Variants in SOX10 observed in about 807,000 individuals in gnomAD.
SOX10 encodes transcription factor SOX-10.
SOX10 carries 3 observed loss-of-function variants against 35.0 expected under a neutral mutation model. The observed-to-expected ratio is 0.09, with a 90% CI of 0.04 to 0.22. The LOEUF (loss-of-function observed/expected upper bound fraction) is 0.22, where lower values mean the gene tolerates loss of function less well. Among genes scored for constraint, SOX10 ranks in the 10% least tolerant of loss-of-function variants. The pLI is 1.00. For missense variants in SOX10, 436 were observed against 655.1 expected, an observed-to-expected ratio of 0.67 and a Z score of 3.65; for synonymous variants, 285 against 291.0, an observed-to-expected ratio of 0.98 and a Z score of 0.21.
At chr22:37,976,252 A>G (rs959440899) in intron 3 of SOX10, among the ~76,000 whole-genome samples, 1 of 152,064 alleles carries the variant, frequency 6.6e-6, no homozygotes, top group Admixed American at 6.5e-5. Context: ...AAAAAGACAG[A>G]GTCTTACTAC....
rs771990173 is a variant in SOX10 at position 37,973,513 on chromosome 22, C to G, written c.1383G>C (p.Thr461=). The change falls in exon 4 of 4, where the codon ACG becomes ACC. Residue 461 remains threonine, a synonymous_variant. Transcript: ENST00000396884. ...SPTHWEQPVY[T]TLSRP ...GCCCCCTTTAGGGCCGGGACAGTGT[C>G]GTATATACTGGCTGCTCCCAGTGTG... The G allele has an allele frequency of 6.2e-7, 1 of 1,607,138 alleles. No homozygotes were observed.
In SOX10 at chr22:37,974,206, G is replaced by T. The variant is rs748415158; in HGVS notation, c.698-8C>A. ...GTGGGCCATGGCTCTGGCCTGGGTA[G>T]AAGGGAGACAGAGAGAGAGAGCGCA... On this transcript the variant is annotated splice_region_variant and splice_polypyrimidine_tract_variant and intron_variant, in intron 3 of 3. Coordinates refer to ENST00000396884, the MANE Select transcript of SOX10 (RefSeq NM_006941.4). This position sits in a 1 kb window ranked among gnomAD's most constrained non-coding sequence, Gnocchi z 5.4. 4 of 1,595,054 alleles carry T rather than the reference G, an allele frequency of 2.5e-6. No homozygotes were observed. Among genetic ancestry groups the T allele is most frequent in the Middle Eastern group, 1.7e-4 (1 of 5,812 alleles).
intron 2 of SOX10, among the ~76,000 whole-genome samples, chr22:37,982,454 C>T (rs543534557): frequency 6.6e-6 from 1 of 152,282 alleles, no homozygotes; most frequent in East Asian, 1.9e-4. Context: ...GAACCCCAGA[C>T]CTGAGTCGAG....
chr22:37,983,934 C>T lies in SOX10; in HGVS notation c.-84-66G>A. 1.9e-6 allele frequency: 1 copy of T among 527,296 alleles called. No homozygotes were observed. The allele number at this position is 527,296 out of a possible 1,614,324, so 32.7% of individuals were successfully genotyped here. A position where few individuals can be genotyped will look rare whatever the true frequency, so the allele number is the denominator to read the frequency against. On this transcript the variant is annotated intron_variant, in intron 1 of 3. Transcript: ENST00000396884. This position sits in a 1 kb window ranked among gnomAD's most constrained non-coding sequence, Gnocchi z 9.5. ...GCCCCGAGGGCGGCCCGAGACAGGA[C>T]GTGGGCACAGCCCCGAGGTGGCGGC...
Position 37,983,231 on chromosome 22 carries a change from C to G in SOX10, c.428+126G>C, listed in dbSNP as rs759435129. On this transcript the variant is annotated intron_variant, in intron 2 of 3. Transcript: ENST00000396884. The surrounding 1 kb of genome is among the most constrained non-coding windows in gnomAD (Gnocchi z 9.5). ...GGGCGCGGCCCCCACACCTGGTCTT[C>G]CAGCCCTATCCAAGGAGGACTGCCA... is the stretch of plus-strand genomic sequence containing the variant. 8.0e-5 allele frequency: 94 copies of G among 1,169,636 alleles called. No homozygotes were observed. The highest frequency in any genetic ancestry group is 1.0e-4 in the Non-Finnish European group (83 of 814,668). 72.5% of individuals were successfully genotyped at this position (1,169,636 alleles called of 1,614,324 possible).
rs1337610069 is a variant in SOX10 at position 37,984,093 on chromosome 22, T to A, written c.-84-225A>T. 8.9e-6 allele frequency: 2 copies of A among 223,840 alleles called. No individual in the cohort carries two copies. The highest frequency in any genetic ancestry group is 2.3e-5 in the African/African-American group (1 of 43,040). 13.9% of individuals were successfully genotyped at this position (223,840 alleles called of 1,614,324 possible). A position where few individuals can be genotyped will look rare whatever the true frequency, so the allele number is the denominator to read the frequency against. ...CTCTTGGTGTGGGTGGCTTTTTTTT[T>A]AGCCTCCTTTTTTGGGTGGAGGTTT... On this transcript the variant is annotated intron_variant, in intron 1 of 3. Coordinates refer to ENST00000396884, the MANE Select transcript of SOX10 (RefSeq NM_006941.4). This position sits in a 1 kb window ranked among gnomAD's most constrained non-coding sequence, Gnocchi z 4.4.
intron 2 of SOX10, among the ~76,000 whole-genome samples, chr22:37,982,271 CT>C (rs1482204185): frequency 2.0e-5 from 3 of 152,138 alleles, no homozygotes; most frequent in Non-Finnish European, 4.4e-5. Flanking sequence ...TCTATGTGAC[CT>C]TTGTGATTCC....
rs754392075 is a variant in SOX10, at chr22:37,977,843, C to T, written c.697+24G>A. On this transcript the variant is annotated intron_variant, in intron 3 of 3. Coordinates refer to ENST00000396884, the MANE Select transcript of SOX10 (RefSeq NM_006941.4). ...CTCCACTGACTGGCCTTGCCCCACC[C>T]TCAGCTCTGTCATCAGCACTCACCT... 6.3e-6 allele frequency: 10 copies of T among 1,597,606 alleles called. No individual in the cohort carries two copies. The highest frequency in any genetic ancestry group is 8.6e-6 in the Non-Finnish European group (10 of 1,169,456).
chr22:37,979,729 G>A (rs1932337579), intron 2 of SOX10, among the ~76,000 whole-genome samples: 1 of 152,122 alleles, frequency 6.6e-6, no homozygotes, highest in South Asian at 2.1e-4. Context: ...GAGGGTGGAG[G>A]GCATTTAGGG....
Position 37,972,436 on chromosome 22 carries a change from G to T in SOX10, c.*1059C>A, listed in dbSNP as rs545717344. 4 of 357,114 alleles carry T rather than the reference G, an allele frequency of 1.1e-5. No homozygotes were observed. Among genetic ancestry groups the T allele is most frequent in the African/African-American group, 6.4e-5 (3 of 46,684 alleles). 22.1% of individuals were successfully genotyped at this position (357,114 alleles called of 1,614,324 possible). On this transcript the variant is annotated 3_prime_UTR_variant, in exon 4 of 4. Coordinates refer to ENST00000396884, the MANE Select transcript of SOX10 (RefSeq NM_006941.4). ...ACAGTAATGAGTTACATGTGGATTT[G>T]GGGGGCTGCAGAACAGGAAAATAGG...
chr22:37,981,628 T>TACTG (rs796125279), intron 2 of SOX10, among the ~76,000 whole-genome samples: 5 of 152,326 alleles, frequency 3.3e-5, no homozygotes, highest in African/African-American at 1.2e-4. Context: ...GTTGGGCTCG[T>TACTG]ACTGTGGTCT....
chr22:37,976,347 C>T (rs550058207), intron 3 of SOX10, among the ~76,000 whole-genome samples: 15 of 152,234 alleles, frequency 9.9e-5, no homozygotes, highest in Non-Finnish European at 1.6e-4. Flanking sequence ...GGGCGCATTC[C>T]ACCATGCCTA....
rs546665093 is a variant in SOX10, at chr22:37,982,837, C to G, written c.428+520G>C. 5.9e-5 allele frequency among the ~76,000 whole-genome samples: 9 copies of G among 152,296 alleles called. No homozygotes were observed. The East Asian group carries it at 9.7e-4, about 16-fold the overall frequency. On this transcript the variant is annotated intron_variant, in intron 2 of 3. Coordinates refer to ENST00000396884, the MANE Select transcript of SOX10 (RefSeq NM_006941.4). ...AGGATAGGATGAGGTCCCGCAGCAG[C>G]AGATTTGTCCCGCAGTTCTTCATCC...
chr22:37,980,333 C>T lies in SOX10; in HGVS notation c.429-2198G>A, dbSNP rs988456289. 2.6e-5 allele frequency among the ~76,000 whole-genome samples: 4 copies of T among 152,126 alleles called. No individual in the cohort carries two copies. The highest frequency in any genetic ancestry group is 7.2e-5 in the African/African-American group (3 of 41,412). Reference sequence around the variant, plus strand: ...CTGGGATGGCTGGGGACATGGGACACAGAGCTCACTCTTTCACCTATCCTT... The same window carrying T: ...CTGGGATGGCTGGGGACATGGGACATAGAGCTCACTCTTTCACCTATCCTT... On this transcript the variant is annotated intron_variant, in intron 2 of 3. Coordinates refer to ENST00000396884, the MANE Select transcript of SOX10 (RefSeq NM_006941.4). This position sits in a 1 kb window ranked among gnomAD's most constrained non-coding sequence, Gnocchi z 4.1.
chr22:37,975,059 T>C (rs1932183344), intron 3 of SOX10, among the ~76,000 whole-genome samples: 1 of 152,248 alleles, frequency 6.6e-6, no homozygotes, highest in Admixed American at 6.5e-5. Context: ...CTGTTGTTCT[T>C]TGAGCTGCCT....
rs201755707 is a variant in SOX10, at chr22:37,973,609, C to A, written c.1287G>T (p.Gly429=). ...SGLYSAFSYM[G]PSQRPLYTAI... ...CCGTGTAGAGGGGCCGCTGCGAGGG[C>A]CCCATATAGGAGAAGGCCGAGTAGA... The change falls in exon 4 of 4, where the codon GGG becomes GGT. Residue 429 remains glycine (G), a synonymous_variant. Transcript: ENST00000396884. 5 of 1,613,476 alleles carry A rather than the reference C, an allele frequency of 3.1e-6. No individual in the cohort carries two copies. In the East Asian group the frequency reaches 8.9e-5, roughly 29 times the overall value.
rs532686347 is a variant in SOX10 at position 37,977,469 on chromosome 22, C to T, written c.697+398G>A. Among the ~76,000 whole-genome samples, 172 of 151,988 alleles carry T rather than the reference C, an allele frequency of 1.1e-3. No individual in the cohort carries two copies. Among genetic ancestry groups the T allele is most frequent in the African/African-American group, 3.7e-3 (154 of 41,498 alleles). On this transcript the variant is annotated intron_variant, in intron 3 of 3. Transcript: ENST00000396884. Reference sequence around the variant, plus strand: ...CTGAGTAGCTGGGACTACAGGTGCTCGCCACCACGCCCAGCTAATTTTTTT... The same window carrying T: ...CTGAGTAGCTGGGACTACAGGTGCTTGCCACCACGCCCAGCTAATTTTTTT...
chr22:37,977,854 C>T lies in SOX10; in HGVS notation c.697+13G>A, dbSNP rs759902908. On this transcript the variant is annotated intron_variant, in intron 3 of 3. Transcript: ENST00000396884. ...GGCCTTGCCCCACCCTCAGCTCTGT[C>T]ATCAGCACTCACCTGAGGGGTGCTC... 1 of 1,604,624 alleles carries T rather than the reference C, an allele frequency of 6.2e-7. No individual in the cohort carries two copies. The highest frequency in any genetic ancestry group is 1.1e-5 in the South Asian group (1 of 90,716).
chr22:37,974,495 A>G lies in SOX10; in HGVS notation c.698-297T>C, dbSNP rs1932167521. On this transcript the variant is annotated intron_variant, in intron 3 of 3. Transcript: ENST00000396884. This position sits in a 1 kb window ranked among gnomAD's most constrained non-coding sequence, Gnocchi z 5.4. Reference sequence around the variant, plus strand: ...AGCCTCCTGAGTAGCTGGAATTACAAGCGCCCACCACAATGCCCAGCTAAT... The same window carrying G: ...AGCCTCCTGAGTAGCTGGAATTACAGGCGCCCACCACAATGCCCAGCTAAT... Among the ~76,000 whole-genome samples, 1 of 151,704 alleles carries G rather than the reference A, an allele frequency of 6.6e-6. No homozygotes were observed. Among genetic ancestry groups the G allele is most frequent in the Admixed American group, 6.6e-5 (1 of 15,244 alleles).
Sources: gnomAD v4.1 joint callset for allele counts (sites outside exome capture counted in the v4.1 genomes callset) on GRCh38, gnomAD v4.1.1 for gene constraint, Gnocchi (gnomAD v3.1) non-coding constraint, MANE v1.5 for transcripts, NCBI Gene and HGNC (gene_info 2026-07-23, HGNC 2026-07-21) for gene names.